Variants in ERBB4 observed in about 807,000 individuals in gnomAD.
ERBB4 encodes the protein erb-b2 receptor tyrosine kinase 4, also known as receptor tyrosine-protein kinase erbB-4.
In ERBB4, 42 loss-of-function variants were observed where a neutral mutation model predicts 158.0. The observed-to-expected ratio is 0.27, with a 90% CI of 0.21 to 0.34. The LOEUF (loss-of-function observed/expected upper bound fraction) is 0.34. Among genes scored for constraint, ERBB4 ranks in the 10% least tolerant of loss-of-function variants. The pLI, the probability that ERBB4 is intolerant of heterozygous loss-of-function variation, is 1.00. For missense variants in ERBB4, 1,333 were observed against 1,624.1 expected (o/e 0.82, Z 3.08); for synonymous variants, 583 against 558.7 (o/e 1.04, Z -0.61).
intron 2 of ERBB4, among the ~76,000 whole-genome samples, chr2:212,007,503 GT>G (rs2076286623): frequency 6.6e-6 from 1 of 151,642 alleles, no homozygotes; most frequent in African/African-American, 2.4e-5. Flanking sequence ...TTTTTATTCT[GT>G]TTTTTAATCA....
intron 1 of ERBB4, among the ~76,000 whole-genome samples, chr2:212,414,331 C>A (rs1574874350): frequency 6.6e-6 from 1 of 152,140 alleles, no homozygotes; most frequent in Non-Finnish European, 1.5e-5. Flanking sequence ...ATTCTATATT[C>A]TTTTAACTAA....
At chr2:212,186,893 C>T (rs181033494) in intron 1 of ERBB4, among the ~76,000 whole-genome samples, 19 of 152,164 alleles carry the variant, frequency 1.2e-4, no homozygotes, top group African/African-American at 4.3e-4. Flanking sequence ...AGACTATCTC[C>T]ACCATTATTT....
intron 1 of ERBB4, among the ~76,000 whole-genome samples, chr2:212,537,937 G>T (rs1410187696): frequency 2.0e-5 from 3 of 152,176 alleles, no homozygotes; most frequent in Admixed American, 2.0e-4. Flanking sequence ...TCGGGCGACT[G>T]GGGGCGCAGC....
At chr2:211,810,828 G>A (rs6721897) in intron 3 of ERBB4, among the ~76,000 whole-genome samples, 18,385 of 151,516 alleles carry the variant, frequency 0.12, 1,262 homozygotes, top group East Asian at 0.24. Flanking sequence ...GCCCGCCACC[G>A]CGCCCGGCTA....
At chr2:211,998,742 T>C (rs1379493933) in intron 2 of ERBB4, among the ~76,000 whole-genome samples, 1 of 151,896 alleles carries the variant, frequency 6.6e-6, no homozygotes, top group Non-Finnish European at 1.5e-5. Flanking sequence ...AGTTTACTTG[T>C]GTAATTTCTT....
At chr2:211,993,599 AGATAT>A in intron 2 of ERBB4, among the ~76,000 whole-genome samples, 1 of 152,020 alleles carries the variant, frequency 6.6e-6, no homozygotes, top group African/African-American at 2.4e-5. Context: ...ATCCTAGATA[AGATAT>A]ATTTTTCTAA....
At chr2:211,836,478 G>T (rs542889270) in intron 3 of ERBB4, among the ~76,000 whole-genome samples, 1 of 151,988 alleles carries the variant, frequency 6.6e-6, no homozygotes, top group Non-Finnish European at 1.5e-5. Context: ...AGAGATTTAG[G>T]CATCCAAAAT....
rs943031953 is a variant in ERBB4, at chr2:212,326,206, A to G, written c.83-201303T>C. Among the ~76,000 whole-genome samples the G allele has an allele frequency of 6.0e-5, 9 of 150,940 alleles. 1 individual carries two copies. Among genetic ancestry groups the G allele is most frequent in the South Asian group, 2.1e-4 (1 of 4,734 alleles). On this transcript the variant is annotated intron_variant, in intron 1 of 27. Transcript: ENST00000342788. Reference sequence around the variant, plus strand: ...ACACTTCAGGTCAAAAAGCAAAAGAATATCAAGAAAAAGTTTAAATAACAT... The same window carrying G: ...ACACTTCAGGTCAAAAAGCAAAAGAGTATCAAGAAAAAGTTTAAATAACAT...
intron 25 of ERBB4, among the ~76,000 whole-genome samples, chr2:211,413,373 C>A (rs913757061): frequency 5.2e-5 from 7 of 135,818 alleles, no homozygotes; most frequent in Non-Finnish European, 8.1e-5. Context: ...AATAAAAAAA[C>A]CAAAAACAAA....
intron 20 of ERBB4, among the ~76,000 whole-genome samples, chr2:211,557,304 A>C (rs149313848): frequency 2.4e-4 from 36 of 152,354 alleles, no homozygotes; most frequent in African/African-American, 8.2e-4. Context: ...ACTGCAAAAG[A>C]AACTATCCAC....
chr2:211,582,293 C>T (rs2068128725), intron 19 of ERBB4, among the ~76,000 whole-genome samples: 1 of 152,152 alleles, frequency 6.6e-6, no homozygotes, highest in South Asian at 2.1e-4. Flanking sequence ...TCTATTCCCA[C>T]ATAACAAACT....
chr2:212,451,456 T>C (rs1236411276), intron 1 of ERBB4, among the ~76,000 whole-genome samples: 1 of 152,232 alleles, frequency 6.6e-6, no homozygotes, highest in Non-Finnish European at 1.5e-5. Flanking sequence ...TAAGGGCCTC[T>C]TTATAATCAG....
In ERBB4 at chr2:211,602,296, C is replaced by T. The variant is rs115188506; in HGVS notation, c.2301+16881G>A. On this transcript the variant is annotated intron_variant, in intron 19 of 27. Transcript: ENST00000342788. ...ACGATCTGCCTGCTCTCCAGGCCTC[C>T]TTCCAGTGCAGGTGCTTGGACTCTG... Among the ~76,000 whole-genome samples, 966 of 152,204 alleles carry T rather than the reference C, an allele frequency of 6.3e-3. 15 individuals carry two copies. Among genetic ancestry groups the T allele is most frequent in the African/African-American group, 0.022 (933 of 41,522 alleles).
At chr2:212,430,201 T>C (rs1574904593) in intron 1 of ERBB4, among the ~76,000 whole-genome samples, 1 of 152,202 alleles carries the variant, frequency 6.6e-6, no homozygotes, top group South Asian at 2.1e-4. Context: ...TATACATACA[T>C]ACGATGTGCT....
chr2:211,502,157 T>C (rs1466248703), intron 20 of ERBB4, among the ~76,000 whole-genome samples: 1 of 152,154 alleles, frequency 6.6e-6, no homozygotes, highest in Non-Finnish European at 1.5e-5. Context: ...ATGTTCTTCA[T>C]AAAGGCCTTT....
intron 2 of ERBB4, among the ~76,000 whole-genome samples, chr2:211,967,102 T>C (rs1292871462): frequency 1.3e-5 from 2 of 152,160 alleles, no homozygotes; most frequent in Admixed American, 1.3e-4. Flanking sequence ...AATGCCTGAA[T>C]GTTTTTTTCT....
intron 16 of ERBB4, among the ~76,000 whole-genome samples, chr2:211,637,862 T>C (rs2125887793): frequency 6.6e-6 from 1 of 152,060 alleles, no homozygotes; most frequent in African/African-American, 2.4e-5. Flanking sequence ...TTTTTCTCTT[T>C]CTAAAGATGA....
chr2:211,481,558 T>C (rs1574575606), intron 20 of ERBB4, among the ~76,000 whole-genome samples: 1 of 151,602 alleles, frequency 6.6e-6, no homozygotes, highest in East Asian at 2.0e-4. Flanking sequence ...AACCAATATC[T>C]ACTCTCTGGA....
intron 1 of ERBB4, among the ~76,000 whole-genome samples, chr2:212,248,000 A>G (rs577068082): frequency 3.5e-4 from 54 of 152,262 alleles, no homozygotes; most frequent in Non-Finnish European, 6.3e-4. Flanking sequence ...TGGTGTTTTA[A>G]AGCAAATTAT....
Sources: gnomAD v4.1 joint callset for allele counts (sites outside exome capture counted in the v4.1 genomes callset) on GRCh38, gnomAD v4.1.1 for gene constraint, MANE v1.5 for transcripts, NCBI Gene and HGNC (gene_info 2026-07-23, HGNC 2026-07-21) for gene names.